The following MIER3 variants were observed in gnomAD, a reference collection of about 807,000 sequenced individuals.
The protein encoded by MIER3 is mesoderm induction early response protein 3.
A neutral mutation model predicts 63.2 loss-of-function variants in MIER3; 9 were observed. The observed-to-expected ratio is 0.14, with a 90% CI of 0.09 to 0.25. The LOEUF (loss-of-function observed/expected upper bound fraction) is 0.25. Among genes scored for constraint, MIER3 ranks in the 10% least tolerant of loss-of-function variants. The pLI is 1.00. For synonymous variants in MIER3, 205 were observed against 224.9 expected (o/e 0.91, Z 0.79); for missense variants, 512 against 666.2 (o/e 0.77, Z 2.55).
chr5:56,937,602 C>G lies in MIER3; in HGVS notation c.412G>C (p.Asp138His), dbSNP rs1290534477. ...TPSVTSHETS[D>H]FFPRPLRSNT... is the part of the protein sequence containing the mutation. ...CATCGTAAAGGCCTAGGGAAGAAAT[C>G]AGAAGTTTCATGGGAAGTCACAGAT... Residue 138 changes from aspartate to histidine, a missense_variant, in exon 5 of 13, where the codon GAT becomes CAT. Asp to His is a moderately conservative substitution (Grantham distance 81). Coordinates refer to ENST00000381199, the MANE Select transcript of MIER3 (RefSeq NM_001297599.2). 6 of 1,610,824 alleles carry G rather than the reference C, an allele frequency of 3.7e-6. No homozygotes were observed. The African/African-American group carries it at 8.0e-5, about 22-fold the overall frequency.
At chr5:56,950,792 G>C in intron 1 of MIER3, 140 bp from the exon 2 acceptor site, 1 of 908,944 alleles carries the variant, frequency 1.1e-6, no homozygotes, top group Non-Finnish European at 1.7e-6. Context: ...CACTCGAATC[G>C]CTCCCGGCCC....
intron 9 of MIER3, 101 bp from the exon 10 acceptor site, chr5:56,928,962 CTCT>C: frequency 2.5e-6 from 1 of 398,140 alleles, no homozygotes. Flanking sequence ...CAAACTCTCT[CTCT>C]CTCTCACACA....
At chr5:56,940,689 GA>G (rs1369120994) in intron 3 of MIER3, among the ~76,000 whole-genome samples, 1 of 152,192 alleles carries the variant, frequency 6.6e-6, no homozygotes, top group African/African-American at 2.4e-5. Context: ...TGGGAGCATG[GA>G]ATCAGCATAA....
At chr5:56,940,866 C>G (rs1399189460) in intron 3 of MIER3, 2 of 574,766 alleles carry the variant, frequency 3.5e-6, no homozygotes, top group African/African-American at 4.1e-5. Context: ...GCAGCCCATT[C>G]CCTTTGGCTC....
At chr5:56,932,844 A>G (rs988558227) in intron 8 of MIER3, among the ~76,000 whole-genome samples, 1 of 152,256 alleles carries the variant, frequency 6.6e-6, no homozygotes, top group African/African-American at 2.4e-5. Flanking sequence ...ATGTTTAAAT[A>G]AATGAATTAC....
At chr5:56,927,708 C>T (rs528488656) in intron 10 of MIER3, among the ~76,000 whole-genome samples, 1 of 152,224 alleles carries the variant, frequency 6.6e-6, no homozygotes, top group African/African-American at 2.4e-5. Flanking sequence ...TGTACCTACA[C>T]TGACACATCA....
chr5:56,924,184 A>C (rs1749839321), intron 10 of MIER3, 142 bp from the exon 11 acceptor site: 30 of 820,836 alleles, frequency 3.7e-5, no homozygotes, highest in Non-Finnish European at 5.4e-5. Flanking sequence ...ATAAATTATA[A>C]AGTTCTGAAC....
chr5:56,946,836 T>A (rs1370509221), intron 3 of MIER3, 90 bp downstream of exon 3: 4 of 1,005,242 alleles, frequency 4.0e-6, no homozygotes, highest in African/African-American at 1.7e-5. Context: ...AGGATTATGA[T>A]CCTATTTTTA....
chr5:56,929,328 G>A (rs1167781089), intron 9 of MIER3: 1 of 152,620 alleles, frequency 6.6e-6, no homozygotes, highest in Non-Finnish European at 1.5e-5. Flanking sequence ...AGCACTTTGG[G>A]AGGCCAGCGC....
chr5:56,942,424 G>T (rs1750677804), intron 3 of MIER3, among the ~76,000 whole-genome samples: 1 of 152,212 alleles, frequency 6.6e-6, no homozygotes, highest in Non-Finnish European at 1.5e-5. Flanking sequence ...TGAGTTACTT[G>T]ATACAAGGAA....
rs1031286327 is a variant in MIER3 at position 56,919,706 on chromosome 5, A to T, written c.*3422T>A. 1.3e-5 allele frequency: 2 copies of T among 152,636 alleles called. No individual in the cohort carries two copies. The highest frequency in any genetic ancestry group is 2.9e-5 in the Non-Finnish European group (2 of 68,026). The allele number at this position is 152,636 out of a possible 1,614,324, so 9.5% of individuals were successfully genotyped here. ...ATCAGTGTTTATGTACAAATATTAAAATCAATGCAATAGCAACTTCCTCTT... is the reference window on the plus strand; with the variant it reads ...ATCAGTGTTTATGTACAAATATTAATATCAATGCAATAGCAACTTCCTCTT... On this transcript the variant is annotated 3_prime_UTR_variant, in exon 13 of 13. Coordinates refer to ENST00000381199, the MANE Select transcript of MIER3 (RefSeq NM_001297599.2).
At chr5:56,950,411 G>A (rs1750978174) in intron 2 of MIER3, among the ~76,000 whole-genome samples, 1 of 151,840 alleles carries the variant, frequency 6.6e-6, no homozygotes, top group Admixed American at 6.6e-5. Flanking sequence ...GCTTGTCTTA[G>A]CAACTTTGTA....
intron 10 of MIER3, among the ~76,000 whole-genome samples, chr5:56,926,464 A>G (rs897140340): frequency 1.3e-5 from 2 of 152,136 alleles, no homozygotes; most frequent in African/African-American, 4.8e-5. Context: ...AAAACACACA[A>G]ATGGCAAATA....
At chr5:56,940,575 C>T (rs1674139587) in intron 3 of MIER3, among the ~76,000 whole-genome samples, 1 of 152,204 alleles carries the variant, frequency 6.6e-6, no homozygotes, top group South Asian at 2.1e-4. Context: ...TATGATAGAA[C>T]ACTAATTTAT....
Position 56,922,013 on chromosome 5 carries a change from T to G in MIER3, c.*1115A>C, listed in dbSNP as rs1206546848. 1 of 152,658 alleles carries G rather than the reference T, an allele frequency of 6.6e-6. No homozygotes were observed. Among genetic ancestry groups the G allele is most frequent in the Non-Finnish European group, 1.5e-5 (1 of 68,040 alleles). The allele number at this position is 152,658 out of a possible 1,614,324, so 9.5% of individuals were successfully genotyped here. On this transcript the variant is annotated 3_prime_UTR_variant, in exon 13 of 13. Transcript: ENST00000381199. ...AAAACTTAAAAGTGGTAATGTACCA[T>G]TCTATTTCAGATAGGAACTCACATT...
chr5:56,941,122 G>A, intron 3 of MIER3: 2 of 985,462 alleles, frequency 2.0e-6, no homozygotes, highest in Non-Finnish European at 2.4e-6. Flanking sequence ...TGCTCACAAG[G>A]AATTCAGTCT....
intron 8 of MIER3, among the ~76,000 whole-genome samples, chr5:56,931,499 T>A (rs252888): frequency 0.47 from 71,122 of 152,056 alleles, 19,971 homozygotes; most frequent in Non-Finnish European, 0.64. Context: ...TAAATATGTA[T>A]AATTAAATTT....
At chr5:56,928,697 G>A (rs2112091165) in intron 10 of MIER3, 70 bp downstream of exon 10, 4 of 1,090,328 alleles carry the variant, frequency 3.7e-6, no homozygotes, top group Non-Finnish European at 5.4e-6. Flanking sequence ...TCCTACTTAA[G>A]TGACTTATAA....
At position 56,930,654 on chromosome 5, in the gene MIER3, T is replaced by A; in HGVS notation, c.829+10A>T. 3.7e-6 allele frequency: 6 copies of A among 1,611,752 alleles called. No homozygotes were observed. The highest frequency in any genetic ancestry group is 4.2e-6 in the Non-Finnish European group (5 of 1,177,886). On this transcript the variant is annotated intron_variant, in intron 9 of 12. Coordinates refer to ENST00000381199, the MANE Select transcript of MIER3 (RefSeq NM_001297599.2). ...GTCATGTCCCTCTCTTAAACCCAAG[T>A]GTTTCTTACCTTGAGAGGCCTTTCC...
Sources: allele counts gnomAD v4.1 joint callset (sites outside exome capture counted in the v4.1 genomes callset), GRCh38; gene constraint gnomAD v4.1.1; transcripts MANE v1.5; gene names NCBI Gene and HGNC (gene_info 2026-07-23, HGNC 2026-07-21).